The following EIF2B4 variants were observed in gnomAD, a reference collection of about 807,000 sequenced individuals.
EIF2B4 encodes eukaryotic translation initiation factor 2B subunit delta.
EIF2B4 carries 34 observed loss-of-function variants against 66.7 expected under a neutral mutation model. The observed-to-expected ratio is 0.51, with a 90% CI of 0.39 to 0.68. The LOEUF is 0.68. EIF2B4 is among the 30% of genes least tolerant of loss of function. The pLI, the probability that EIF2B4 is intolerant of heterozygous loss-of-function variation, is 0.00. For synonymous variants in EIF2B4, 278 were observed against 253.6 expected, an observed-to-expected ratio of 1.10 and a Z score of -0.92; for missense variants, 618 against 657.9, an observed-to-expected ratio of 0.94 and a Z score of 0.66.
chr2:27,369,019 T>A lies in EIF2B4; in HGVS notation c.405A>T (p.Gly135=). 6.2e-7 allele frequency: 1 copy of A among 1,613,508 alleles called. No individual in the cohort carries two copies. The stretch of plus-strand genomic sequence containing the variant: ...AAGGGAAGATACCTGAGGGGGTTTC[T>A]CCAGCTGTGCTGGGGCTGGCCTTAG... ...PPPKASPSTA[G]ETPSGVKRLP... is the part of the protein sequence containing the mutation. The change falls in exon 4 of 13, where the codon GGA becomes GGT. Residue 135 remains glycine, a synonymous_variant. Coordinates refer to ENST00000347454, the MANE Select transcript of EIF2B4 (RefSeq NM_001034116.2).
intron 11 of EIF2B4, 149 bp from the exon 12 acceptor site, chr2:27,365,047 TAATA>T (rs755283122): frequency 3.3e-5 from 26 of 778,088 alleles, no homozygotes; most frequent in Non-Finnish European, 4.5e-5. Context: ...AGACAACAAG[TAATA>T]AATCTTTTTT....
chr2:27,369,461 C>A lies in EIF2B4; in HGVS notation c.164G>T (p.Gly55Val). The A allele has an allele frequency of 6.2e-7, 1 of 1,614,028 alleles. No individual in the cohort carries two copies. The part of the protein sequence containing the change: ...QQKKKRKEEK[G>V]AEPETGSAVS... ...AGCAGAGCCAGTCTCTGGTTCTGCC[C>A]CCTTTTCTTCCTTCCGTTTCTTCTT... Residue 55 changes from glycine (G) to valine (V), a missense_variant, in exon 3 of 13, where the codon GGG becomes GTG. Gly to Val is a moderately radical substitution (Grantham distance 109). This residue lies in a region of EIF2B4 where 506 missense variants were observed against 511.9 expected (regional missense o/e 0.99). Transcript: ENST00000347454.
Position 27,366,751 on chromosome 2 carries a change from G to A in EIF2B4, c.1191+8C>T. 6.2e-7 allele frequency: 1 copy of A among 1,614,164 alleles called. No homozygotes were observed. The highest frequency in any genetic ancestry group is 8.5e-7 in the Non-Finnish European group (1 of 1,180,044). ...GCCAACTTTGGAGTCCTTTTCCTCT[G>A]TACTTACCTCTGGGAGCACATAGGA... On this transcript the variant is annotated splice_region_variant and intron_variant, in intron 11 of 12. Transcript: ENST00000347454.
In EIF2B4 at chr2:27,370,173, G is replaced by C. The variant is rs1456618858; in HGVS notation, c.31+111C>G. On this transcript the variant is annotated intron_variant, in intron 1 of 12. Transcript: ENST00000347454. ...TCGAGACTGTGTAGACCGGAGCCCA[G>C]CGTGGCGCTGGAACGGAGCGGCGGG... 2.6e-6 allele frequency: 4 copies of C among 1,544,630 alleles called. No individual in the cohort carries two copies. The East Asian group carries it at 9.8e-5, about 38-fold the overall frequency.
At position 27,368,993 on chromosome 2, in the gene EIF2B4, G is replaced by A. The variant is rs199827769; in HGVS notation, c.418+13C>T. ...TTAGGAGTAAGGGAGGTCTTAAAATGAAGGGAAGATACCTGAGGGGGTTTC... is the reference window on the plus strand; with the variant it reads ...TTAGGAGTAAGGGAGGTCTTAAAATAAAGGGAAGATACCTGAGGGGGTTTC... On this transcript the variant is annotated intron_variant, in intron 4 of 12. Coordinates refer to ENST00000347454, the MANE Select transcript of EIF2B4 (RefSeq NM_001034116.2). The A allele has an allele frequency of 2.4e-5, 39 of 1,614,072 alleles. No homozygotes were observed. The Middle Eastern group carries it at 1.2e-3, about 48-fold the overall frequency.
At chr2:27,368,278 C>A in intron 6 of EIF2B4, 94 bp downstream of exon 6, 2 of 1,367,824 alleles carry the variant, frequency 1.5e-6, no homozygotes, top group East Asian at 4.7e-5. Flanking sequence ...ATACTTTTTC[C>A]TACAGAGTCC....
At chr2:27,369,298 C>T in intron 3 of EIF2B4, 86 bp from the exon 4 acceptor site, 1 of 1,608,590 alleles carries the variant, frequency 6.2e-7, no homozygotes, top group South Asian at 1.1e-5. Context: ...CCTTGTAAAC[C>T]TCTTTGCTTT....
At chr2:27,367,256 T>A in intron 9 of EIF2B4, 55 bp from the exon 10 acceptor site, 12 of 1,613,196 alleles carry the variant, frequency 7.4e-6, no homozygotes, top group Non-Finnish European at 1.0e-5. Flanking sequence ...ATCCCTCTGA[T>A]GATCATGCCA....
chr2:27,364,706 T>C lies in EIF2B4; in HGVS notation c.1372+12A>G, dbSNP rs369139744. On this transcript the variant is annotated intron_variant, in intron 12 of 12. Coordinates refer to ENST00000347454, the MANE Select transcript of EIF2B4 (RefSeq NM_001034116.2). ...TCACAGGTAGCTGGAGGCTTCTCTTTTGCCTCCTTACCTAGCTCATTAGAG... is the reference window on the plus strand; with the variant it reads ...TCACAGGTAGCTGGAGGCTTCTCTTCTGCCTCCTTACCTAGCTCATTAGAG... 18 of 1,614,108 alleles carry C rather than the reference T, an allele frequency of 1.1e-5. No individual in the cohort carries two copies. The highest frequency in any genetic ancestry group is 6.7e-5 in the African/African-American group (5 of 74,942).
chr2:27,370,157 T>C, intron 1 of EIF2B4, 127 bp downstream of exon 1: 1 of 1,544,778 alleles, frequency 6.5e-7, no homozygotes, highest in South Asian at 1.2e-5. Flanking sequence ...CTCGAGACTG[T>C]GTAGACCGGA....
At chr2:27,369,341 CT>C (rs1682154142) in intron 3 of EIF2B4, 72 bp downstream of exon 3, 2 of 1,590,932 alleles carry the variant, frequency 1.3e-6, no homozygotes, top group African/African-American at 3.5e-5. Context: ...TGTCCTGTCT[CT>C]CCCTTATCTC....
At chr2:27,366,338 T>G (rs1032797759) in intron 11 of EIF2B4, 1 of 277,310 alleles carries the variant, frequency 3.6e-6, no homozygotes, top group African/African-American at 2.2e-5. Flanking sequence ...GTGCTGAGAT[T>G]GCAGGCATTG....
intron 11 of EIF2B4, chr2:27,366,301 C>A: frequency 3.9e-6 from 1 of 256,730 alleles, no homozygotes; most frequent in South Asian, 4.6e-5. Flanking sequence ...TCTTGAACTC[C>A]TGGGCTCAAG....
chr2:27,365,083 T>G, intron 11 of EIF2B4, 185 bp from the exon 12 acceptor site: 1 of 632,972 alleles, frequency 1.6e-6, no homozygotes, highest in Non-Finnish European at 2.7e-6. Flanking sequence ...TGAGATGAAG[T>G]TCTGCTCTTG....
In EIF2B4 at chr2:27,367,185, C is replaced by T. The variant is rs781536399; in HGVS notation, c.902G>A (p.Arg301Gln). The T allele has an allele frequency of 2.2e-5, 36 of 1,613,966 alleles. No individual in the cohort carries two copies. The highest frequency in any genetic ancestry group is 1.2e-4 in the South Asian group (11 of 91,042). ...KREEEAKSEL[R>Q]AAIDRYVQEK... ...TTGCACATACCGATCAATGGCTGCTCGAAGTTCTGACTTGGCCTAAATGGA... is the reference window on the plus strand; with the variant it reads ...TTGCACATACCGATCAATGGCTGCTTGAAGTTCTGACTTGGCCTAAATGGA... The change falls in exon 10 of 13, where the codon CGA becomes CAA. Residue 301 changes from arginine (R) to glutamine (Q), a missense_variant. Physicochemically the swap from Arg to Gln is conservative, Grantham distance 43 (BLOSUM62 1). Around this residue, in one of 4 missense-constraint regions of EIF2B4, gnomAD observed 506 missense variants for 511.9 expected, o/e 0.99. Coordinates refer to ENST00000347454, the MANE Select transcript of EIF2B4 (RefSeq NM_001034116.2).
Position 27,367,388 on chromosome 2 carries a change from G to A in EIF2B4, c.885+69C>T, listed in dbSNP as rs554814067. On this transcript the variant is annotated intron_variant, in intron 9 of 12. Coordinates refer to ENST00000347454, the MANE Select transcript of EIF2B4 (RefSeq NM_001034116.2). Reference sequence around the variant, plus strand: ...AAAAAAGGCTTACGTTGGCCTTCCCGGGAGTTTTTAACATGTTTCTTAATT... The same window carrying A: ...AAAAAAGGCTTACGTTGGCCTTCCCAGGAGTTTTTAACATGTTTCTTAATT... 3.1e-5 allele frequency: 50 copies of A among 1,601,810 alleles called. 1 individual carries two copies. The highest frequency in any genetic ancestry group is 1.3e-4 in the Admixed American group (8 of 59,950).
Position 27,369,921 on chromosome 2 carries a change from T to C in EIF2B4, c.32-2A>G. 6.3e-7 allele frequency: 1 copy of C among 1,582,396 alleles called. No homozygotes were observed. Among genetic ancestry groups the C allele is most frequent in the Non-Finnish European group, 8.6e-7 (1 of 1,164,504 alleles). The stretch of plus-strand genomic sequence containing the variant: ...CCGCCTTCATCCCGGATCCCGAGTC[T>C]GCATCAGAAAACAGGGCACAAAGTG... On this transcript the variant is annotated splice_acceptor_variant, in intron 1 of 12. Coordinates refer to ENST00000347454, the MANE Select transcript of EIF2B4 (RefSeq NM_001034116.2). LOFTEE classifies it high-confidence loss of function.
At position 27,364,572 on chromosome 2, in the gene EIF2B4, C is replaced by G. The variant is rs751555693; in HGVS notation, c.1400G>C (p.Arg467Pro). Residue 467 changes from arginine to proline, a missense_variant, in exon 13 of 13, where the codon CGG becomes CCG. Arg to Pro is a moderately radical substitution (Grantham distance 103). Transcript: ENST00000347454. ...GTTAGCCAGCGCAACATGTTCTCCC[C>G]GCTTACATTGCAGATCATCAGGGTC... ...LDDPDDLQCKRGEHVALANWQ... is the reference protein window; with the variant it reads ...LDDPDDLQCKPGEHVALANWQ... 1.2e-6 allele frequency: 2 copies of G among 1,614,190 alleles called. No individual in the cohort carries two copies. The highest frequency in any genetic ancestry group is 1.7e-6 in the Non-Finnish European group (2 of 1,180,040).
At chr2:27,370,219 C>G (rs748747375) in intron 1 of EIF2B4, 65 bp downstream of exon 1, 7 of 1,541,186 alleles carry the variant, frequency 4.5e-6, no homozygotes, top group Non-Finnish European at 6.1e-6. Context: ...GCTCAAGGCC[C>G]GGCACTAGCT....
Sources: gnomAD v4.1 joint callset for allele counts on GRCh38, gnomAD v4.1.1 for gene constraint, gnomAD v4.1.1 regional missense constraint, MANE v1.5 for transcripts, NCBI Gene and HGNC (gene_info 2026-07-23, HGNC 2026-07-21) for gene names.